The following ADD1 variants were observed in gnomAD, a reference collection of about 807,000 sequenced individuals.
ADD1 encodes adducin 1, also known as alpha-adducin.
A neutral mutation model predicts 80.5 loss-of-function variants in ADD1; 24 were observed. The observed-to-expected ratio is 0.30, with a 90% CI of 0.22 to 0.42. ADD1 has a LOEUF of 0.42. Among genes scored for constraint, ADD1 ranks in the 10% least tolerant of loss-of-function variants. The pLI is 1.00. For missense variants in ADD1, 948 were observed against 1,019.0 expected (o/e 0.93, Z 0.95); for synonymous variants, 373 against 393.8 (o/e 0.95, Z 0.63).
chr4:2,905,062 C>T lies in ADD1; in HGVS notation c.1460C>T (p.Ser487Phe). ...THDHVKPLLQ[S>F]LSSGVCVPSC... Reference sequence around the variant, plus strand: ...GATCACGTGAAACCCTTGCTGCAGTCTCTCTCGTCCGGTGTCTGCGTGCCA... The same window carrying T: ...GATCACGTGAAACCCTTGCTGCAGTTTCTCTCGTCCGGTGTCTGCGTGCCA... The change falls in exon 10 of 16, where the codon TCT (serine) becomes TTT (phenylalanine). Residue 487 changes from serine to phenylalanine, a missense_variant. Physicochemically the swap from Ser to Phe is radical, Grantham distance 155. Transcript: ENST00000683351. The T allele has an allele frequency of 3.1e-6, 5 of 1,614,224 alleles. No individual in the cohort carries two copies. Among genetic ancestry groups the T allele is most frequent in the Non-Finnish European group, 4.2e-6 (5 of 1,180,052 alleles).
intron 10 of ADD1, chr4:2,905,601 TTAGTGTTATTCC>T (rs746638628): frequency 4.8e-5 from 8 of 165,976 alleles, no homozygotes; most frequent in Non-Finnish European, 6.6e-5. Context: ...TCCCCTGCCC[TTAGTGTTATTCC>T]CCTGCTTTCT....
At chr4:2,869,391 C>T (rs190147771) in intron 1 of ADD1, among the ~76,000 whole-genome samples, 2 of 152,332 alleles carry the variant, frequency 1.3e-5, no homozygotes, top group Non-Finnish European at 2.9e-5. Flanking sequence ...TTAGTTCTCC[C>T]TGTGCGTGTC....
Position 2,882,001 on chromosome 4 carries a change from C to A in ADD1, c.299C>A (p.Thr100Lys), listed in dbSNP as rs1208539211. The A allele has an allele frequency of 6.2e-7, 1 of 1,613,158 alleles. No homozygotes were observed. Residue 100 changes from threonine (T) to lysine (K), a missense_variant, in exon 3 of 16, where the codon ACG becomes AAG. Coordinates refer to ENST00000683351, the MANE Select transcript of ADD1 (RefSeq NM_001354761.2). ...ALQQIADFMT[T>K]NVPNVYPAAP... ...CAGCAGATTGCAGATTTTATGACCA[C>A]GAATGTACCAAATGTCTACCCAGCA...
intron 14 of ADD1, among the ~76,000 whole-genome samples, chr4:2,920,520 G>A (rs1283358049): frequency 6.6e-6 from 1 of 152,098 alleles, no homozygotes; most frequent in African/African-American, 2.4e-5. Context: ...CTCCTGTATT[G>A]GGTGCTTGTA....
At chr4:2,864,417 A>G (rs1729248506) in intron 1 of ADD1, among the ~76,000 whole-genome samples, 1 of 151,976 alleles carries the variant, frequency 6.6e-6, no homozygotes, top group African/African-American at 2.4e-5. Context: ...TCCGCCTCAA[A>G]AAACAAAACA....
At chr4:2,906,396 A>AC (rs550869593) in intron 10 of ADD1, among the ~76,000 whole-genome samples, 15 of 151,978 alleles carry the variant, frequency 9.9e-5, no homozygotes, top group African/African-American at 3.6e-4. Flanking sequence ...TATAAAACAA[A>AC]AAAAAAAAAC....
Position 2,928,394 on chromosome 4 carries a change from A to T in ADD1, c.2271A>T (p.Ser757=). The T allele has an allele frequency of 1.2e-6, 2 of 1,613,186 alleles. No individual in the cohort carries two copies. The highest frequency in any genetic ancestry group is 3.3e-5 in the Admixed American group (2 of 59,888). The change falls in exon 16 of 16, where the codon TCA becomes TCT. Residue 757 remains serine (S), a synonymous_variant. Coordinates refer to ENST00000683351, the MANE Select transcript of ADD1 (RefSeq NM_001354761.2). The part of the protein sequence containing the change: ...PAPVAEEAAP[S]AVEEGAAADP... ...CGGTGGCTGAAGAGGCTGCCCCCTC[A>T]GCTGTCGAGGAGGGGGCCGCCGCGG...
chr4:2,878,911 G>T (rs1731783050), intron 2 of ADD1, among the ~76,000 whole-genome samples: 1 of 152,298 alleles, frequency 6.6e-6, no homozygotes, highest in Non-Finnish European at 1.5e-5. Context: ...TTAGGGTGAT[G>T]AATGGATGGA....
chr4:2,883,678 CTT>C (rs879343166), intron 3 of ADD1, among the ~76,000 whole-genome samples: 1 of 146,108 alleles, frequency 6.8e-6, no homozygotes, highest in Non-Finnish European at 1.5e-5. Context: ...TTTCTCTTTT[CTT>C]TTTTTTTTTG....
Position 2,926,196 on chromosome 4 carries a change from T to A in ADD1, c.2047+84T>A. Reference sequence around the variant, plus strand: ...TGGCGGAATGTGGCGGGAGTCGTGTTAACAGCAACACGGAAGTGTGTGCTT... The same window carrying A: ...TGGCGGAATGTGGCGGGAGTCGTGTAAACAGCAACACGGAAGTGTGTGCTT... On this transcript the variant is annotated intron_variant, in intron 15 of 15. Coordinates refer to ENST00000683351, the MANE Select transcript of ADD1 (RefSeq NM_001354761.2). This position sits in a 1 kb window ranked among gnomAD's most constrained non-coding sequence, Gnocchi z 5.0. The A allele has an allele frequency of 8.4e-7, 1 of 1,194,558 alleles. No homozygotes were observed. The highest frequency in any genetic ancestry group is 1.2e-6 in the Non-Finnish European group (1 of 805,090). The allele number at this position is 1,194,558 out of a possible 1,614,324, so 74.0% of individuals were successfully genotyped here.
chr4:2,895,988 C>T (rs1158264461), intron 6 of ADD1, among the ~76,000 whole-genome samples: 1 of 151,194 alleles, frequency 6.6e-6, no homozygotes, highest in East Asian at 2.0e-4. Flanking sequence ...CCCGGGTTCA[C>T]GCCATTCTCC....
chr4:2,879,506 C>T (rs1269715601), intron 2 of ADD1, among the ~76,000 whole-genome samples: 1 of 152,132 alleles, frequency 6.6e-6, no homozygotes, highest in Non-Finnish European at 1.5e-5. Flanking sequence ...GAAATAGATC[C>T]TTTGAATTTT....
chr4:2,920,937 T>G (rs1369898729), intron 14 of ADD1, among the ~76,000 whole-genome samples: 1 of 152,204 alleles, frequency 6.6e-6, no homozygotes, highest in Non-Finnish European at 1.5e-5. Flanking sequence ...GTGTCGATGG[T>G]CTTTACAATT....
At chr4:2,885,382 C>T (rs1489619320) in intron 4 of ADD1, among the ~76,000 whole-genome samples, 1 of 152,174 alleles carries the variant, frequency 6.6e-6, no homozygotes, top group Admixed American at 6.5e-5. Context: ...CTTAGCCTGG[C>T]AACCATAACT....
intron 9 of ADD1, 90 bp downstream of exon 9, chr4:2,899,525 TA>T (rs1735822724): frequency 7.1e-7 from 1 of 1,414,492 alleles, no homozygotes; most frequent in East Asian, 2.3e-5. Flanking sequence ...TGCTGTCTTT[TA>T]TGCAGTATCT....
intron 1 of ADD1, among the ~76,000 whole-genome samples, chr4:2,874,814 A>C (rs1347616643): frequency 2.0e-5 from 3 of 152,194 alleles, no homozygotes; most frequent in African/African-American, 7.2e-5. Context: ...GTGCGGTTCA[A>C]GTTCAGCAGC....
At chr4:2,885,856 C>T (rs549171494) in intron 4 of ADD1, among the ~76,000 whole-genome samples, 17 of 152,146 alleles carry the variant, frequency 1.1e-4, no homozygotes, top group South Asian at 2.1e-4. Flanking sequence ...GTGATCCGCC[C>T]GCCTTGGCCT....
Position 2,894,081 on chromosome 4 carries a change from T to C in ADD1, c.579T>C (p.Thr193=). ...TTGGGCTTCTTTACAGTGAAGTGACTGCATCCAGTTTGGTAAGAATGTCCT... is the reference window on the plus strand; with the variant it reads ...TTGGGCTTCTTTACAGTGAAGTGACCGCATCCAGTTTGGTAAGAATGTCCT... ...VPFGLLYSEV[T]ASSLVKINLQ... The change falls in exon 5 of 16, where the codon ACT becomes ACC. Residue 193 remains threonine (T), a synonymous_variant. Transcript: ENST00000683351. The C allele has an allele frequency of 1.2e-6, 2 of 1,613,954 alleles. No individual in the cohort carries two copies. Among genetic ancestry groups the C allele is most frequent in the Non-Finnish European group, 1.7e-6 (2 of 1,179,804 alleles).
At position 2,929,231 on chromosome 4, in the gene ADD1, G is replaced by C. The variant is rs1287385782; in HGVS notation, c.*708G>C. The C allele has an allele frequency of 2.6e-5, 4 of 152,234 alleles. No individual in the cohort carries two copies. Among genetic ancestry groups the C allele is most frequent in the African/African-American group, 9.6e-5 (4 of 41,452 alleles). The allele number at this position is 152,234 out of a possible 1,614,324, so 9.4% of individuals were successfully genotyped here. On this transcript the variant is annotated 3_prime_UTR_variant, in exon 16 of 16. Transcript: ENST00000683351. The stretch of plus-strand genomic sequence containing the variant: ...TCATAGGGAAGGTATATCAGGAGGG[G>C]AAGAGGCCTTTCTAGAATTTTCTTT...
Sources: allele counts gnomAD v4.1 joint callset (sites outside exome capture counted in the v4.1 genomes callset), GRCh38; gene constraint gnomAD v4.1.1; non-coding constraint Gnocchi (gnomAD v3.1); transcripts MANE v1.5; gene names NCBI Gene and HGNC (gene_info 2026-07-23, HGNC 2026-07-21).